Variants in TRIM16 observed in about 807,000 individuals in gnomAD.
TRIM16 encodes the protein tripartite motif containing 16.
Under a neutral mutation model 50.4 loss-of-function variants are expected in TRIM16, and 33 were observed. The ratio of observed to expected loss-of-function variants is 0.65; its 90% CI spans 0.50 to 0.88. The LOEUF is 0.88. Ranked by LOEUF, TRIM16 falls within the 40% of genes least tolerant of loss-of-function variation. TRIM16 has a pLI of 0.00. For missense variants in TRIM16, 581 were observed against 686.8 expected, an observed-to-expected ratio of 0.85 and a Z score of 1.72; for synonymous variants, 229 against 270.7, an observed-to-expected ratio of 0.85 and a Z score of 1.51.
Position 15,682,069 on chromosome 17 carries a change from T to C in TRIM16, c.-679+785A>G, listed in dbSNP as rs139645966. Among the ~76,000 whole-genome samples the C allele has an allele frequency of 6.8e-4, 103 of 152,298 alleles. 1 individual carries two copies. The East Asian group carries it at 0.017, about 25-fold the overall frequency. On this transcript the variant is annotated intron_variant, in intron 3 of 11. Transcript: ENST00000649191. Reference sequence around the variant, plus strand: ...CTAATTTTACAAAAGAGAATAATAATGGTACCTACGTTGCTACAATGTGTG... The same window carrying C: ...CTAATTTTACAAAAGAGAATAATAACGGTACCTACGTTGCTACAATGTGTG...
intron 6 of TRIM16, among the ~76,000 whole-genome samples, chr17:15,672,488 C>T (rs556327430): frequency 5.9e-5 from 9 of 151,378 alleles, no homozygotes; most frequent in African/African-American, 1.7e-4. Context: ...AATGCCAGCA[C>T]TTCAGGAAGC....
chr17:15,673,991 T>C (rs1019080645), intron 6 of TRIM16, among the ~76,000 whole-genome samples: 4 of 152,164 alleles, frequency 2.6e-5, no homozygotes, highest in Admixed American at 2.6e-4. Context: ...GAACTGATAG[T>C]TATAATTTCA....
At chr17:15,675,043 A>G (rs1988869622) in intron 6 of TRIM16, among the ~76,000 whole-genome samples, 2 of 151,886 alleles carry the variant, frequency 1.3e-5, no homozygotes, top group South Asian at 4.2e-4. Flanking sequence ...GCACAACTAG[A>G]ATTTCTTGGC....
rs141258410 is a variant in TRIM16, at chr17:15,629,114, G to T, written c.1196C>A (p.Thr399Lys). Residue 399 changes from threonine (T) to lysine (K), a missense_variant, in exon 12 of 12, where the codon ACG becomes AAG. Physicochemically the swap from Thr to Lys is moderately conservative, Grantham distance 78 (BLOSUM62 -1). Around this residue, in one of 3 missense-constraint regions of TRIM16, gnomAD observed 450 missense variants for 544.3 expected, o/e 0.83. Coordinates refer to ENST00000649191, the MANE Select transcript of TRIM16 (RefSeq NM_001348119.1). ...QEENRKVTNT[T>K]PWEHPYPDLP... ...GTCCGGGTAGGGATGCTCCCAGGGCGTGGTGTTGGTGACCTTGCGGTTCTC... is the reference window on the plus strand; with the variant it reads ...GTCCGGGTAGGGATGCTCCCAGGGCTTGGTGTTGGTGACCTTGCGGTTCTC... The T allele has an allele frequency of 3.5e-5, 56 of 1,613,482 alleles. No individual in the cohort carries two copies. The African/African-American group carries it at 6.1e-4, about 18-fold the overall frequency.
intron 9 of TRIM16, among the ~76,000 whole-genome samples, chr17:15,635,012 GTCTT>G (rs1461467627): frequency 2.7e-5 from 4 of 149,076 alleles, no homozygotes; most frequent in South Asian, 4.3e-4. Flanking sequence ...GTTTTTGTCT[GTCTT>G]TCTCTTTTAC....
At chr17:15,646,817 G>A (rs1987405062) in intron 7 of TRIM16, among the ~76,000 whole-genome samples, 1 of 152,142 alleles carries the variant, frequency 6.6e-6, no homozygotes, top group Non-Finnish European at 1.5e-5. Context: ...GCCTCGGTCA[G>A]CTGCTCAGAA....
At chr17:15,679,226 T>C (rs1411732972) in intron 4 of TRIM16, among the ~76,000 whole-genome samples, 2 of 152,140 alleles carry the variant, frequency 1.3e-5, no homozygotes, top group African/African-American at 4.8e-5. Context: ...TTAGCAACTA[T>C]GAGGCCAGGG....
intron 7 of TRIM16, among the ~76,000 whole-genome samples, chr17:15,650,743 C>G (rs540347944): frequency 1.3e-5 from 2 of 152,266 alleles, no homozygotes; most frequent in South Asian, 4.1e-4. Flanking sequence ...GGACATATCA[C>G]CGCCCTAAGC....
intron 6 of TRIM16, among the ~76,000 whole-genome samples, chr17:15,669,133 G>A (rs889479779): frequency 6.6e-6 from 1 of 151,584 alleles, no homozygotes; most frequent in African/African-American, 2.4e-5. Flanking sequence ...AGAGAAAAAG[G>A]CACTCTGCTA....
intron 7 of TRIM16, among the ~76,000 whole-genome samples, chr17:15,646,376 C>T (rs2150912803): frequency 7.1e-6 from 1 of 141,194 alleles, no homozygotes; most frequent in South Asian, 2.4e-4. Flanking sequence ...TCAGGGTGGG[C>T]CCTGCCCAGA....
chr17:15,648,704 C>CT (rs1388673775), intron 7 of TRIM16, among the ~76,000 whole-genome samples: 1 of 152,194 alleles, frequency 6.6e-6, no homozygotes, highest in Non-Finnish European at 1.5e-5. Context: ...CTGGTGGAGG[C>CT]TTTAGCCTCG....
At chr17:15,652,413 C>A (rs188268087) in intron 6 of TRIM16, among the ~76,000 whole-genome samples, 4 of 145,238 alleles carry the variant, frequency 2.8e-5, no homozygotes, top group Non-Finnish European at 4.5e-5. Flanking sequence ...CCCGCCTCGG[C>A]CTCCCAAAGT....
intron 7 of TRIM16, among the ~76,000 whole-genome samples, 160 bp downstream of exon 7, chr17:15,650,931 T>A (rs1486959158): frequency 6.6e-6 from 1 of 152,170 alleles, no homozygotes; most frequent in East Asian, 1.9e-4. Flanking sequence ...AAGTGCAATG[T>A]ATATTTACAC....
chr17:15,680,033 C>G (rs1323875398), intron 4 of TRIM16, among the ~76,000 whole-genome samples: 5 of 151,656 alleles, frequency 3.3e-5, no homozygotes, highest in African/African-American at 4.8e-5. Flanking sequence ...TTTTGTGGAA[C>G]AACACCTCTG....
At chr17:15,642,080 G>A (rs982567881) in intron 8 of TRIM16, among the ~76,000 whole-genome samples, 1 of 148,770 alleles carries the variant, frequency 6.7e-6, no homozygotes, top group African/African-American at 2.5e-5. Flanking sequence ...CTGACCTCAA[G>A]TGATCCACCC....
At position 15,680,864 on chromosome 17, in the gene TRIM16, C is replaced by T. The variant is rs986090854; in HGVS notation, c.-590+1G>A. ...AGAAGAGAGGAAAATCCCCAACTCA[C>T]CTGGGACTCTGCTGTCCGGCAAAGA... is the stretch of plus-strand genomic sequence containing the variant. On this transcript the variant is annotated splice_donor_variant, in intron 4 of 11. Coordinates refer to ENST00000649191, the MANE Select transcript of TRIM16 (RefSeq NM_001348119.1). LOFTEE classifies it low-confidence loss of function (5UTR_SPLICE). The T allele has an allele frequency of 1.9e-6, 3 of 1,542,930 alleles. No homozygotes were observed. Among genetic ancestry groups the T allele is most frequent in the Admixed American group, 4.1e-5 (2 of 48,938 alleles).
chr17:15,631,796 T>C (rs1473690138), intron 10 of TRIM16, 82 bp from the exon 11 acceptor site: 7 of 1,298,860 alleles, frequency 5.4e-6, no homozygotes, highest in Non-Finnish European at 7.8e-6. Context: ...CAGCCACCCT[T>C]CCCTGGGCTT....
At chr17:15,655,248 G>A (rs969342273) in intron 6 of TRIM16, among the ~76,000 whole-genome samples, 2 of 152,182 alleles carry the variant, frequency 1.3e-5, no homozygotes, top group East Asian at 1.9e-4. Flanking sequence ...TGATCTCTCT[G>A]AGAATGGGGA....
chr17:15,642,635 C>G, intron 8 of TRIM16, 86 bp downstream of exon 8: 1 of 1,014,632 alleles, frequency 9.9e-7, no homozygotes, highest in South Asian at 1.5e-5. Context: ...GTGGAGAAAC[C>G]CCAAGGAACC....
Sources: allele counts gnomAD v4.1 joint callset (sites outside exome capture counted in the v4.1 genomes callset), GRCh38; gene constraint gnomAD v4.1.1; regional missense constraint gnomAD v4.1.1; transcripts MANE v1.5; gene names NCBI Gene and HGNC (gene_info 2026-07-23, HGNC 2026-07-21).